Variants in FBXO16 observed in about 807,000 individuals in gnomAD.
FBXO16 encodes the protein F-box only protein 16.
A neutral mutation model predicts 41.0 loss-of-function variants in FBXO16; 31 were observed. The ratio of observed to expected loss-of-function variants is 0.76; its 90% CI spans 0.57 to 1.02. FBXO16 has a LOEUF of 1.02. Among genes scored for constraint, FBXO16 ranks in the 50% least tolerant of loss-of-function variants. The pLI is 0.00. For synonymous variants in FBXO16, 133 were observed against 117.8 expected (o/e 1.13, Z -0.84); for missense variants, 361 against 346.2 (o/e 1.04, Z -0.34).
At chr8:28,469,840 G>C (rs767357611) in intron 3 of FBXO16, among the ~76,000 whole-genome samples, 7 of 152,098 alleles carry the variant, frequency 4.6e-5, no homozygotes, top group Non-Finnish European at 7.3e-5. Context: ...GGCGGAGGTT[G>C]CAGTGAGCCG....
intron 6 of FBXO16, among the ~76,000 whole-genome samples, chr8:28,447,854 T>G (rs961041644): frequency 1.3e-5 from 2 of 152,112 alleles, no homozygotes; most frequent in African/African-American, 4.8e-5. Context: ...CTTGGGAGGC[T>G]GAGGCAGGAG....
At chr8:28,469,498 G>T (rs375813135) in intron 3 of FBXO16, among the ~76,000 whole-genome samples, 2 of 152,240 alleles carry the variant, frequency 1.3e-5, no homozygotes, top group East Asian at 3.9e-4. Flanking sequence ...ATGCCTGGAA[G>T]ATTGTCATGC....
chr8:28,441,190 C>T (rs570489242), intron 7 of FBXO16, among the ~76,000 whole-genome samples: 1 of 152,194 alleles, frequency 6.6e-6, no homozygotes, highest in African/African-American at 2.4e-5. Flanking sequence ...ATGTTGGCTT[C>T]TCTCCTCCTC....
intron 1 of FBXO16, 42 bp from the exon 2 acceptor site, chr8:28,483,504 T>C (rs571837905): frequency 8.1e-6 from 12 of 1,476,446 alleles, no homozygotes; most frequent in Non-Finnish European, 1.0e-5. Context: ...AAGTGAATCA[T>C]ATAACCCTCA....
chr8:28,456,630 G>A lies in FBXO16; in HGVS notation c.507+136C>T, dbSNP rs1019169460. On this transcript the variant is annotated intron_variant, in intron 5 of 8. Transcript: ENST00000380254. Reference sequence around the variant, plus strand: ...AAACAACTATCAAGTCTCAGAAAAGGAGAATTTTGAAATCATAGTATATGT... The same window carrying A: ...AAACAACTATCAAGTCTCAGAAAAGAAGAATTTTGAAATCATAGTATATGT... 7.0e-5 allele frequency: 71 copies of A among 1,013,986 alleles called. 1 individual carries two copies. The East Asian group carries it at 1.7e-3, about 24-fold the overall frequency. The allele number at this position is 1,013,986 out of a possible 1,614,324, so 62.8% of individuals were successfully genotyped here.
In FBXO16 at chr8:28,463,604, G is replaced by C. The variant is rs199696298; in HGVS notation, c.342+8C>G. On this transcript the variant is annotated splice_region_variant and intron_variant, in intron 4 of 8. Transcript: ENST00000380254. ...ACAAAACACCACATACCCCTTCCTT[G>C]CCTTTACCTGTGCACAACGACAAAG... 3 of 1,613,464 alleles carry C rather than the reference G, an allele frequency of 1.9e-6. No individual in the cohort carries two copies. The highest frequency in any genetic ancestry group is 2.7e-5 in the African/African-American group (2 of 74,982).
At chr8:28,479,728 T>C (rs1281009664) in intron 2 of FBXO16, among the ~76,000 whole-genome samples, 1 of 151,960 alleles carries the variant, frequency 6.6e-6, no homozygotes, top group Non-Finnish European at 1.5e-5. Context: ...CTTTCTTTCT[T>C]TTTTTAGAGA....
intron 7 of FBXO16, among the ~76,000 whole-genome samples, chr8:28,435,967 A>G (rs62502414): frequency 0.39 from 59,649 of 152,084 alleles, 12,558 homozygotes; most frequent in East Asian, 0.61. Flanking sequence ...TGTTTGAAAA[A>G]CATAAAATCA....
At chr8:28,431,027 G>C (rs1802597862) in intron 7 of FBXO16, among the ~76,000 whole-genome samples, 1 of 152,152 alleles carries the variant, frequency 6.6e-6, no homozygotes, top group African/African-American at 2.4e-5. Context: ...AAAAGGCCTA[G>C]CTCTCTATGA....
intron 1 of FBXO16, among the ~76,000 whole-genome samples, chr8:28,484,011 G>A (rs1213432475): frequency 1.3e-5 from 2 of 152,272 alleles, no homozygotes; most frequent in East Asian, 1.9e-4. Context: ...TACACACGAG[G>A]AAGATTTGGC....
In FBXO16 at chr8:28,463,628, A is replaced by G. The variant is rs771316344; in HGVS notation, c.326T>C (p.Leu109Pro). 1.9e-6 allele frequency: 3 copies of G among 1,614,036 alleles called. No homozygotes were observed. Among genetic ancestry groups the G allele is most frequent in the African/African-American group, 1.3e-5 (1 of 75,038 alleles). The change falls in exon 4 of 9, where the codon CTT becomes CCT. Residue 109 changes from leucine (L) to proline (P), a missense_variant. By Grantham distance (98) the Leu-to-Pro change is moderately conservative. Coordinates refer to ENST00000380254, the MANE Select transcript of FBXO16 (RefSeq NM_172366.4). ...TGCCTTTACCTGTGCACAACGACAA[A>G]GGCTCCGAGGGTCCAGGAAAGAAAA... The part of the protein sequence containing the change: ...YIFSFLDPRS[L>P]CRCAQVCWHW...
intron 3 of FBXO16, chr8:28,465,347 G>T (rs7812609): frequency 2.2e-6 from 1 of 445,600 alleles, no homozygotes. Context: ...AATAGGCCCC[G>T]TGTGGTGGCT....
At chr8:28,433,067 AAAAAAACAAAC>A (rs1410140627) in intron 7 of FBXO16, among the ~76,000 whole-genome samples, 74 of 141,070 alleles carry the variant, frequency 5.2e-4, no homozygotes, top group Non-Finnish European at 6.8e-4. Flanking sequence ...TCCAAAAAAA[AAAAAAACAAAC>A]AAAAAACAAA....
At chr8:28,451,892 G>C (rs1802959224) in intron 6 of FBXO16, among the ~76,000 whole-genome samples, 1 of 151,600 alleles carries the variant, frequency 6.6e-6, no homozygotes, top group Non-Finnish European at 1.5e-5. Flanking sequence ...GCTGAAGCAG[G>C]AGAATCGCTT....
chr8:28,487,392 A>ATTTT (rs56197407), intron 1 of FBXO16, among the ~76,000 whole-genome samples: 1 of 125,742 alleles, frequency 8.0e-6, no homozygotes, highest in Non-Finnish European at 1.7e-5. Context: ...AAGAAGACAG[A>ATTTT]TTTTTTTTTT....
chr8:28,464,570 T>C (rs960266187), intron 3 of FBXO16, among the ~76,000 whole-genome samples: 2 of 152,194 alleles, frequency 1.3e-5, no homozygotes, highest in African/African-American at 4.8e-5. Flanking sequence ...CCTGGCCCAT[T>C]GGGGAAGAGA....
At chr8:28,480,643 A>G (rs1335285563) in intron 2 of FBXO16, among the ~76,000 whole-genome samples, 1 of 152,016 alleles carries the variant, frequency 6.6e-6, no homozygotes, top group Non-Finnish European at 1.5e-5. Flanking sequence ...AGCTGGGACT[A>G]CAGGGGTGCA....
intron 6 of FBXO16, among the ~76,000 whole-genome samples, chr8:28,448,638 T>C (rs1409569313): frequency 6.6e-6 from 1 of 152,230 alleles, no homozygotes; most frequent in Non-Finnish European, 1.5e-5. Context: ...CTTGATAGAA[T>C]ATATCTGAGA....
chr8:28,444,302 CTTT>C (rs575375088), intron 7 of FBXO16, among the ~76,000 whole-genome samples: 25 of 128,604 alleles, frequency 1.9e-4, no homozygotes, highest in South Asian at 1.3e-3. Flanking sequence ...AATATTTCTT[CTTT>C]TTTTTTTTTT....
Sources: gnomAD v4.1 joint callset for allele counts (sites outside exome capture counted in the v4.1 genomes callset) on GRCh38, gnomAD v4.1.1 for gene constraint, MANE v1.5 for transcripts, NCBI Gene and HGNC (gene_info 2026-07-23, HGNC 2026-07-21) for gene names.